The following ARHGEF28 variants were observed in gnomAD, a reference collection of about 807,000 sequenced individuals.
The protein encoded by ARHGEF28 is 190 kDa guanine nucleotide exchange factor.
A neutral mutation model predicts 206.6 loss-of-function variants in ARHGEF28; 152 were observed. That is an observed-to-expected ratio of 0.74 (90% CI 0.64 to 0.84). ARHGEF28 has a LOEUF of 0.84. Among genes scored for constraint, ARHGEF28 ranks in the 40% least tolerant of loss-of-function variants. The pLI, the probability that ARHGEF28 is intolerant of heterozygous loss-of-function variation, is 0.00. For missense variants in ARHGEF28, 2,028 were observed against 2,073.2 expected, an observed-to-expected ratio of 0.98 and a Z score of 0.42; for synonymous variants, 763 against 776.4, an observed-to-expected ratio of 0.98 and a Z score of 0.29.
intron 12 of ARHGEF28, 53 bp from the exon 13 acceptor site, chr5:73,848,923 A>G (rs1579983553): frequency 7.8e-7 from 1 of 1,287,148 alleles, no homozygotes; most frequent in East Asian, 2.5e-5. Context: ...TGGTGAATAT[A>G]TATTTTCAGA....
chr5:73,671,049 G>C (rs923231613), intron 1 of ARHGEF28, among the ~76,000 whole-genome samples: 1 of 151,940 alleles, frequency 6.6e-6, no homozygotes, highest in African/African-American at 2.4e-5. Context: ...GTAGAATCTT[G>C]ACAGAAAAAT....
chr5:73,752,951 G>A lies in ARHGEF28; in HGVS notation c.224G>A (p.Cys75Tyr), dbSNP rs1338422941. ...QETVTVSVCL[C>Y]SEGYSPVTMG... is the part of the protein sequence containing the mutation. ...ACGGTGACGGTATCTGTGTGCCTCT[G>A]CTCGGAAGGTTACTCTCCGGTGACC... Residue 75 changes from cysteine to tyrosine, a missense_variant, in exon 4 of 36, where the codon TGC (cysteine) becomes TAC (tyrosine). Transcript: ENST00000513042. The A allele has an allele frequency of 6.2e-7, 1 of 1,613,898 alleles. No homozygotes were observed. Among genetic ancestry groups the A allele is most frequent in the South Asian group, 1.1e-5 (1 of 91,028 alleles).
At chr5:73,644,032 G>C in intron 1 of ARHGEF28, among the ~76,000 whole-genome samples, 1 of 134,136 alleles carries the variant, frequency 7.5e-6, no homozygotes, top group South Asian at 2.7e-4. Flanking sequence ...CACAGTTAGT[G>C]AGAGTCTGTC....
intron 35 of ARHGEF28, among the ~76,000 whole-genome samples, chr5:73,918,604 A>G (rs919051152): frequency 6.6e-6 from 1 of 152,206 alleles, no homozygotes; most frequent in Admixed American, 6.5e-5. Context: ...AGTCTCTGAA[A>G]ACATAAATTC....
At chr5:73,639,172 G>A (rs1163019616) in intron 1 of ARHGEF28, among the ~76,000 whole-genome samples, 3 of 150,674 alleles carry the variant, frequency 2.0e-5, no homozygotes, top group African/African-American at 4.9e-5. Context: ...CTTACATGAA[G>A]TATTGTTCAT....
chr5:73,698,794 G>A (rs1279544641), intron 2 of ARHGEF28, among the ~76,000 whole-genome samples: 1 of 151,976 alleles, frequency 6.6e-6, no homozygotes, highest in Non-Finnish European at 1.5e-5. Flanking sequence ...GGTTCACAAT[G>A]GAGACTGGAA....
intron 2 of ARHGEF28, among the ~76,000 whole-genome samples, chr5:73,735,940 C>T (rs944742149): frequency 6.6e-6 from 1 of 152,160 alleles, no homozygotes; most frequent in Non-Finnish European, 1.5e-5. Flanking sequence ...CTGTTACTCC[C>T]TCTCCCATCC....
At chr5:73,679,191 T>C (rs1407605560) in intron 1 of ARHGEF28, among the ~76,000 whole-genome samples, 3 of 152,200 alleles carry the variant, frequency 2.0e-5, no homozygotes, top group Admixed American at 1.3e-4. Flanking sequence ...CAGAATGCCA[T>C]GTGAGAGCTT....
At chr5:73,748,253 C>T (rs771640448) in intron 2 of ARHGEF28, among the ~76,000 whole-genome samples, 5 of 152,074 alleles carry the variant, frequency 3.3e-5, no homozygotes, top group Non-Finnish European at 7.4e-5. Flanking sequence ...TTTTTCTTGG[C>T]GTGTTGCTTT....
chr5:73,873,898 A>C (rs746542622), intron 22 of ARHGEF28, among the ~76,000 whole-genome samples: 40 of 144,950 alleles, frequency 2.8e-4, no homozygotes, highest in Non-Finnish European at 5.7e-4. Context: ...CCAGGAATGC[A>C]ATTTCTGGGT....
intron 1 of ARHGEF28, among the ~76,000 whole-genome samples, chr5:73,676,105 T>C (rs1449065126): frequency 6.7e-6 from 1 of 149,796 alleles, no homozygotes; most frequent in Non-Finnish European, 1.5e-5. Flanking sequence ...AGTTTTGCTC[T>C]TGTCACCCAG....
intron 10 of ARHGEF28, among the ~76,000 whole-genome samples, chr5:73,833,136 A>G (rs1464988085): frequency 2.6e-5 from 4 of 152,224 alleles, no homozygotes; most frequent in Non-Finnish European, 5.9e-5. Context: ...TATAAAAATT[A>G]TAGATCTGAA....
chr5:73,845,155 T>C (rs1199734487), intron 11 of ARHGEF28, among the ~76,000 whole-genome samples: 2 of 151,734 alleles, frequency 1.3e-5, no homozygotes, highest in Non-Finnish European at 2.9e-5. Flanking sequence ...GTAGCTGGGA[T>C]TACAGGTGCC....
chr5:73,803,543 G>T, intron 9 of ARHGEF28: 1 of 162,422 alleles, frequency 6.2e-6, no homozygotes, highest in South Asian at 1.9e-4. Context: ...TCTGCAAAGG[G>T]AGTGAGACTA....
At chr5:73,742,228 G>C (rs1054538048) in intron 2 of ARHGEF28, among the ~76,000 whole-genome samples, 11 of 151,894 alleles carry the variant, frequency 7.2e-5, no homozygotes, top group African/African-American at 2.7e-4. Context: ...TATAGGTATC[G>C]TTATTGTTTT....
chr5:73,908,040 G>C (rs1561183980), intron 33 of ARHGEF28, among the ~76,000 whole-genome samples: 1 of 152,144 alleles, frequency 6.6e-6, no homozygotes, highest in Non-Finnish European at 1.5e-5. Context: ...AGAGTCCTGA[G>C]TGGCTTATTG....
chr5:73,725,581 T>C (rs1750224408), intron 2 of ARHGEF28, among the ~76,000 whole-genome samples: 1 of 152,256 alleles, frequency 6.6e-6, no homozygotes, highest in Non-Finnish European at 1.5e-5. Context: ...GGGACTATCA[T>C]GTTAAATAAC....
At chr5:73,703,218 T>C (rs1260205493) in intron 2 of ARHGEF28, among the ~76,000 whole-genome samples, 1 of 152,208 alleles carries the variant, frequency 6.6e-6, no homozygotes, top group Non-Finnish European at 1.5e-5. Flanking sequence ...TTAGTCAAAT[T>C]GCCTGAATGG....
In ARHGEF28 at chr5:73,626,287, GC is replaced by G. The variant is rs1742991864; in HGVS notation, c.-45del. 6.6e-6 allele frequency: 1 copy of G among 152,198 alleles called. No homozygotes were observed. Among genetic ancestry groups the G allele is most frequent in the Admixed American group, 6.5e-5 (1 of 15,276 alleles). 9.4% of individuals were successfully genotyped at this position (152,198 alleles called of 1,614,324 possible). On this transcript the variant is annotated 5_prime_UTR_variant, in exon 1 of 36. Coordinates refer to ENST00000513042, the MANE Select transcript of ARHGEF28 (RefSeq NM_001177693.2). The stretch of plus-strand genomic sequence containing the variant: ...AGGCAGGGCGCGGGGGCAGAGCCTC[GC>G]CTGGGTTCTGGAGGCTGCGGGGCCA...
Sources: allele counts gnomAD v4.1 joint callset (sites outside exome capture counted in the v4.1 genomes callset), GRCh38; gene constraint gnomAD v4.1.1; transcripts MANE v1.5; gene names NCBI Gene and HGNC (gene_info 2026-07-23, HGNC 2026-07-21).